The following ACTR3B variants were observed in gnomAD, a reference collection of about 807,000 sequenced individuals.
ACTR3B encodes the protein actin-related protein 3B.
Under a neutral mutation model 59.0 loss-of-function variants are expected in ACTR3B, and 8 were observed. That is an observed-to-expected ratio of 0.14 (90% confidence interval 0.08 to 0.24). ACTR3B has a LOEUF of 0.24. Ranked by LOEUF, ACTR3B falls within the 10% of genes least tolerant of loss-of-function variation. The probability of loss-of-function intolerance (pLI) is 1.00; values close to 1 mark genes in which losing one functional copy is unlikely to be tolerated. For missense variants in ACTR3B, 245 were observed against 552.3 expected (o/e 0.44, Z 5.58); for synonymous variants, 148 against 197.9 (o/e 0.75, Z 2.12).
rs1798855866 is a variant in ACTR3B at position 152,852,134 on chromosome 7, A to G, written c.960A>G (p.Val320=). ...DVRRPLYKNV[V]LSGGSTMFRD... The stretch of plus-strand genomic sequence containing the variant: ...TGCTTTGTGTCTTGTAGAATGTCGT[A>G]CTCTCAGGAGGCTCCACCATGTTCA... The change falls in exon 10 of 12, where the codon GTA becomes GTG. Residue 320 remains valine, a synonymous_variant. Coordinates refer to ENST00000256001, the MANE Select transcript of ACTR3B (RefSeq NM_020445.6). 1.9e-6 allele frequency: 3 copies of G among 1,613,774 alleles called. No individual in the cohort carries two copies. Among genetic ancestry groups the G allele is most frequent in the Admixed American group, 1.7e-5 (1 of 59,980 alleles).
At chr7:152,816,930 C>T in intron 6 of ACTR3B, 1 of 290,376 alleles carries the variant, frequency 3.4e-6, no homozygotes, top group Admixed American at 5.0e-5. Context: ...TCAACAAGAA[C>T]ATTTTCTGGG....
chr7:152,760,049 G>A (rs893206783), intron 1 of ACTR3B, 123 bp downstream of exon 1: 5 of 872,078 alleles, frequency 5.7e-6, no homozygotes, highest in Admixed American at 4.5e-5. Flanking sequence ...GATCACCTGG[G>A]CAGGTGGGGC....
intron 4 of ACTR3B, chr7:152,811,835 TTA>T (rs755048676): frequency 2.0e-5 from 3 of 150,088 alleles, no homozygotes; most frequent in Admixed American, 6.8e-5. Flanking sequence ...ATTTATAACT[TTA>T]TGTTTACTAA....
rs561459469 is a variant in ACTR3B at position 152,812,054 on chromosome 7, G to A, written c.337-2496G>A. 4 of 36,298 alleles carry A rather than the reference G, an allele frequency of 1.1e-4. 1 individual carries two copies. The highest frequency in any genetic ancestry group is 1.9e-4 in the Non-Finnish European group (4 of 21,010). 2.2% of individuals were successfully genotyped at this position (36,298 alleles called of 1,614,324 possible). A position where few individuals can be genotyped will look rare whatever the true frequency, so the allele number is the denominator to read the frequency against. On this transcript the variant is annotated intron_variant, in intron 4 of 11. Transcript: ENST00000256001. The stretch of plus-strand genomic sequence containing the variant: ...TTTTTTTTTTTTTTTTTTTTGAGAC[G>A]GAGTCTTACTCCATCGCCCAGGCTG...
chr7:152,837,474 C>T (rs1385361095), intron 9 of ACTR3B, among the ~76,000 whole-genome samples: 2 of 152,204 alleles, frequency 1.3e-5, no homozygotes, highest in African/African-American at 2.4e-5. Context: ...GCTCAGACAA[C>T]GTTTTAATCC....
chr7:152,851,037 C>A (rs1408043444), intron 9 of ACTR3B, among the ~76,000 whole-genome samples: 1 of 152,186 alleles, frequency 6.6e-6, no homozygotes, highest in African/African-American at 2.4e-5. Context: ...TCCCCCTTGT[C>A]AGTGAGGATA....
intron 9 of ACTR3B, among the ~76,000 whole-genome samples, chr7:152,833,361 G>T (rs750958627): frequency 6.6e-6 from 1 of 152,148 alleles, no homozygotes; most frequent in African/African-American, 2.4e-5. Context: ...TTCAGACTTC[G>T]CTGGGATTGC....
At chr7:152,777,129 C>T (rs540805207) in intron 1 of ACTR3B, among the ~76,000 whole-genome samples, 1 of 152,260 alleles carries the variant, frequency 6.6e-6, no homozygotes, top group South Asian at 2.1e-4. Context: ...TTTTTGATAG[C>T]TAATGTGACC....
At chr7:152,760,251 G>C (rs2098085192) in intron 1 of ACTR3B, among the ~76,000 whole-genome samples, 1 of 151,734 alleles carries the variant, frequency 6.6e-6, no homozygotes, top group Non-Finnish European at 1.5e-5. Context: ...GGCCGTCGCC[G>C]GGGTGGACAC....
In ACTR3B at chr7:152,768,893, G is replaced by A. The variant is rs139185090; in HGVS notation, c.44+8967G>A. Among the ~76,000 whole-genome samples, 494 of 151,060 alleles carry A rather than the reference G, an allele frequency of 3.3e-3. 1 individual carries two copies. The highest frequency in any genetic ancestry group is 0.011 in the African/African-American group (459 of 41,116). ...AATTGAGACCGAGTCTCCTTCTGTC[G>A]TACAGGCTGGAGTGCAGTGGCGTGA... On this transcript the variant is annotated intron_variant, in intron 1 of 11. Coordinates refer to ENST00000256001, the MANE Select transcript of ACTR3B (RefSeq NM_020445.6).
At chr7:152,781,852 T>C (rs1224953443) in intron 1 of ACTR3B, among the ~76,000 whole-genome samples, 1 of 152,134 alleles carries the variant, frequency 6.6e-6, no homozygotes, top group African/African-American at 2.4e-5. Flanking sequence ...CTTGGCCTTG[T>C]ACTCTGTTTC....
At chr7:152,792,641 G>A (rs2098200605) in intron 2 of ACTR3B, among the ~76,000 whole-genome samples, 1 of 151,902 alleles carries the variant, frequency 6.6e-6, no homozygotes, top group South Asian at 2.1e-4. Flanking sequence ...CAGCTATTTC[G>A]GGAGGCTGAG....
chr7:152,788,351 A>G (rs1225751008), intron 2 of ACTR3B, among the ~76,000 whole-genome samples: 1 of 149,404 alleles, frequency 6.7e-6, no homozygotes, highest in Non-Finnish European at 1.5e-5. Context: ...AAGATGGTAT[A>G]TGTGTTTTAT....
rs146450910 is a variant in ACTR3B at position 152,852,347 on chromosome 7, G to A, written c.1077+96G>A. 8,579 of 1,433,662 alleles carry A rather than the reference G, an allele frequency of 6.0e-3. 37 individuals are homozygous for A. The highest frequency in any genetic ancestry group is 7.2e-3 in the Admixed American group (291 of 40,534). The allele number at this position is 1,433,662 out of a possible 1,614,324, so 88.8% of individuals were successfully genotyped here. A position where few individuals can be genotyped will look rare whatever the true frequency, so the allele number is the denominator to read the frequency against. ...AGAGCCGAAGGAGCTTGTCTGGGCCGCGTAAAATAAAAACAAGTGTTCATC... is the reference window on the plus strand; with the variant it reads ...AGAGCCGAAGGAGCTTGTCTGGGCCACGTAAAATAAAAACAAGTGTTCATC... On this transcript the variant is annotated intron_variant, in intron 10 of 11. Transcript: ENST00000256001.
intron 1 of ACTR3B, among the ~76,000 whole-genome samples, chr7:152,773,606 G>T (rs1483840615): frequency 8.6e-5 from 13 of 151,898 alleles, no homozygotes; most frequent in Non-Finnish European, 1.8e-4. Context: ...CAAAAGGATG[G>T]TTCAAAAATA....
intron 9 of ACTR3B, among the ~76,000 whole-genome samples, chr7:152,851,282 A>G (rs1798780902): frequency 6.6e-6 from 1 of 152,216 alleles, no homozygotes; most frequent in Non-Finnish European, 1.5e-5. Context: ...ACCTTTCTGT[A>G]CCATACTCAC....
chr7:152,853,833 CAG>C (rs895079045), intron 11 of ACTR3B, among the ~76,000 whole-genome samples: 1 of 152,154 alleles, frequency 6.6e-6, no homozygotes, highest in African/African-American at 2.4e-5. Context: ...TCTCCAGCCT[CAG>C]CCTCCTGAGT....
chr7:152,841,764 TA>T (rs1394550403), intron 9 of ACTR3B, among the ~76,000 whole-genome samples: 1 of 152,212 alleles, frequency 6.6e-6, no homozygotes, highest in Non-Finnish European at 1.5e-5. Flanking sequence ...ACACCCTCTT[TA>T]GGGCATCTTT....
intron 9 of ACTR3B, among the ~76,000 whole-genome samples, chr7:152,833,992 G>C (rs1797235106): frequency 6.6e-6 from 1 of 151,968 alleles, no homozygotes; most frequent in Admixed American, 6.6e-5. Flanking sequence ...GAAGGGAGGA[G>C]GGTGGTCAGA....
Sources: gnomAD v4.1 joint callset for allele counts (sites outside exome capture counted in the v4.1 genomes callset) on GRCh38, gnomAD v4.1.1 for gene constraint, MANE v1.5 for transcripts, NCBI Gene and HGNC (gene_info 2026-07-23, HGNC 2026-07-21) for gene names.